Variants in CHRNA7 observed in about 807,000 individuals in gnomAD.
CHRNA7 encodes the protein cholinergic receptor nicotinic alpha 7 subunit, also known as neuronal acetylcholine receptor subunit alpha-7.
Under a neutral mutation model 48.0 loss-of-function variants are expected in CHRNA7, and 17 were observed. That is an observed-to-expected ratio of 0.35 (90% confidence interval 0.24 to 0.53). The LOEUF is 0.53. CHRNA7 is among the 20% of genes least tolerant of loss of function. The pLI is 0.92. For missense variants in CHRNA7, 155 were observed against 577.7 expected (o/e 0.27, Z 7.50); for synonymous variants, 75 against 242.3 (o/e 0.31, Z 6.41).
rs555936024 is a variant in CHRNA7 at position 32,045,951 on chromosome 15, G to A, written c.195+14914G>A. On this transcript the variant is annotated intron_variant, in intron 2 of 9. Transcript: ENST00000306901. ...TTTTGTCCTTGGGATAGTTTACTGA[G>A]AATGATGATTTCCAATTTCATCCAT... Among the ~76,000 whole-genome samples the A allele has an allele frequency of 9.3e-5, 14 of 151,128 alleles. No individual in the cohort carries two copies. The South Asian group carries it at 2.9e-3, about 32-fold the overall frequency.
chr15:32,113,659 C>CA (rs1249401225), intron 4 of CHRNA7, among the ~76,000 whole-genome samples: 1 of 152,112 alleles, frequency 6.6e-6, no homozygotes, highest in African/African-American at 2.4e-5. Context: ...GAAAAGAGCA[C>CA]ACATTCCGTA....
chr15:32,076,265 A>C (rs2050134489), intron 2 of CHRNA7, among the ~76,000 whole-genome samples: 1 of 152,162 alleles, frequency 6.6e-6, no homozygotes, highest in Non-Finnish European at 1.5e-5. Context: ...CAAAGTATAA[A>C]CATCTCCAGC....
chr15:32,036,076 T>G (rs2141162877), intron 2 of CHRNA7, among the ~76,000 whole-genome samples: 1 of 152,324 alleles, frequency 6.6e-6, no homozygotes, highest in Non-Finnish European at 1.5e-5. Flanking sequence ...TTCTTTGTGC[T>G]CTCCCTGCTT....
chr15:32,112,131 AGAC>A, intron 4 of CHRNA7: 1 of 623,028 alleles, frequency 1.6e-6, no homozygotes. Flanking sequence ...CTGCTACTTA[AGAC>A]GCCCATGAAG....
intron 2 of CHRNA7, among the ~76,000 whole-genome samples, chr15:32,096,890 G>GACTCGAGGGTGCCTTGCCAC (rs2050478574): frequency 6.6e-6 from 1 of 152,206 alleles, no homozygotes; most frequent in African/African-American, 2.4e-5. Flanking sequence ...TAGGCGCGTT[G>GACTCGAGGGTGCCTTGCCAC]ACTCGAGGGT....
chr15:32,034,983 A>T (rs2141161100), intron 2 of CHRNA7, among the ~76,000 whole-genome samples: 1 of 152,332 alleles, frequency 6.6e-6, no homozygotes, highest in African/African-American at 2.4e-5. Context: ...TAGGATGGCC[A>T]CTGTGGGAAT....
chr15:32,084,843 T>C (rs1035580771), intron 2 of CHRNA7, among the ~76,000 whole-genome samples: 1 of 152,086 alleles, frequency 6.6e-6, no homozygotes, highest in African/African-American at 2.4e-5. Context: ...CTTTTTTTTT[T>C]TTTTTTGAGA....
At chr15:32,045,329 G>A (rs73386716) in intron 2 of CHRNA7, among the ~76,000 whole-genome samples, 292 of 152,154 alleles carry the variant, frequency 1.9e-3, no homozygotes, top group East Asian at 0.016. Context: ...ATGAGAGAAC[G>A]GAGAACACTT....
chr15:32,082,533 A>G (rs1297152785), intron 2 of CHRNA7, among the ~76,000 whole-genome samples: 1 of 152,218 alleles, frequency 6.6e-6, no homozygotes, highest in African/African-American at 2.4e-5. Context: ...ATTTGTGGCA[A>G]TACAGGATGT....
intron 2 of CHRNA7, among the ~76,000 whole-genome samples, chr15:32,082,964 G>A (rs1172092178): frequency 6.6e-6 from 1 of 152,122 alleles, no homozygotes; most frequent in African/African-American, 2.4e-5. Context: ...ATGAAACACT[G>A]TCTCCTACTA....
At chr15:32,065,790 G>C (rs1283335948) in intron 2 of CHRNA7, among the ~76,000 whole-genome samples, 3 of 152,110 alleles carry the variant, frequency 2.0e-5, no homozygotes, top group Non-Finnish European at 4.4e-5. Flanking sequence ...GCTGTCAGCT[G>C]CCTGGCTGTG....
chr15:32,126,666 T>C (rs1374877463), intron 4 of CHRNA7, among the ~76,000 whole-genome samples: 1 of 152,234 alleles, frequency 6.6e-6, no homozygotes, highest in Non-Finnish European at 1.5e-5. Flanking sequence ...TTTCTCATCA[T>C]CATTTTAATA....
At chr15:32,032,715 G>A (rs1020494063) in intron 2 of CHRNA7, among the ~76,000 whole-genome samples, 2 of 152,144 alleles carry the variant, frequency 1.3e-5, no homozygotes, top group African/African-American at 2.4e-5. Context: ...TGGAGTGGGT[G>A]ACCCTGTATT....
intron 4 of CHRNA7, among the ~76,000 whole-genome samples, chr15:32,137,789 T>C (rs1412168167): frequency 5.9e-5 from 9 of 152,260 alleles, no homozygotes; most frequent in Non-Finnish European, 1.3e-4. Context: ...TGTATAGGAA[T>C]GCAGGCAGAC....
At chr15:32,066,313 A>T (rs1331669803) in intron 2 of CHRNA7, among the ~76,000 whole-genome samples, 2 of 149,060 alleles carry the variant, frequency 1.3e-5, no homozygotes, top group Non-Finnish European at 3.0e-5. Flanking sequence ...ATGGAGTCTC[A>T]CTCTGTCGCC....
At chr15:32,130,582 A>G (rs1006095184) in intron 4 of CHRNA7, among the ~76,000 whole-genome samples, 8 of 150,422 alleles carry the variant, frequency 5.3e-5, no homozygotes, top group African/African-American at 1.5e-4. Context: ...TTTCCTGCCT[A>G]TGATGTACTT....
chr15:32,109,070 G>A (rs955543498), intron 3 of CHRNA7, among the ~76,000 whole-genome samples: 6 of 152,160 alleles, frequency 3.9e-5, no homozygotes, highest in African/African-American at 7.2e-5. Flanking sequence ...AATTCAGGGC[G>A]TGAAAGTAAG....
intron 2 of CHRNA7, among the ~76,000 whole-genome samples, chr15:32,038,313 C>T (rs1387188196): frequency 6.6e-6 from 1 of 151,606 alleles, no homozygotes; most frequent in East Asian, 1.9e-4. Flanking sequence ...AGGAAGTTCT[C>T]CCCTATTCCG....
chr15:32,051,510 G>A (rs1346984006), intron 2 of CHRNA7, among the ~76,000 whole-genome samples: 2 of 152,204 alleles, frequency 1.3e-5, no homozygotes, highest in East Asian at 1.9e-4. Flanking sequence ...GAAAAGCGCA[G>A]TATTGGGGTG....
Sources: gnomAD v4.1 joint callset for allele counts (sites outside exome capture counted in the v4.1 genomes callset) on GRCh38, gnomAD v4.1.1 for gene constraint, MANE v1.5 for transcripts, NCBI Gene and HGNC (gene_info 2026-07-23, HGNC 2026-07-21) for gene names.